The following MDGA2 variants were observed in gnomAD, a reference collection of about 807,000 sequenced individuals.
The protein encoded by MDGA2 is MAM domain containing glycosylphosphatidylinositol anchor 2, also known as MAM domain-containing glycosylphosphatidylinositol anchor protein 2.
MDGA2 carries 40 observed loss-of-function variants against 117.8 expected under a neutral mutation model. That is an observed-to-expected ratio of 0.34 (90% CI 0.26 to 0.44). The LOEUF (loss-of-function observed/expected upper bound fraction) is 0.44. MDGA2 is among the 20% of genes least tolerant of loss of function. The probability of loss-of-function intolerance (pLI) is 1.00; values close to 1 mark genes in which losing one functional copy is unlikely to be tolerated. For synonymous variants in MDGA2, 452 were observed against 439.0 expected, an observed-to-expected ratio of 1.03 and a Z score of -0.37; for missense variants, 1,123 against 1,250.6, an observed-to-expected ratio of 0.90 and a Z score of 1.54.
chr14:47,006,585 G>A (rs1433452656), intron 8 of MDGA2, among the ~76,000 whole-genome samples: 1 of 151,060 alleles, frequency 6.6e-6, no homozygotes, highest in Non-Finnish European at 1.5e-5. Context: ...TATAAATCAA[G>A]TGTACAATAA....
At chr14:47,527,716 T>C (rs1895002144) in intron 1 of MDGA2, among the ~76,000 whole-genome samples, 1 of 152,232 alleles carries the variant, frequency 6.6e-6, no homozygotes, top group Non-Finnish European at 1.5e-5. Flanking sequence ...CCTCTGCATT[T>C]GACCCTCATA....
chr14:47,657,419 T>C (rs575745561), intron 1 of MDGA2, among the ~76,000 whole-genome samples: 6 of 152,292 alleles, frequency 3.9e-5, no homozygotes, highest in Non-Finnish European at 7.4e-5. Flanking sequence ...ATTATCCATA[T>C]ACTGAATAGC....
intron 9 of MDGA2, among the ~76,000 whole-genome samples, chr14:46,940,331 A>G (rs1303839450): frequency 6.6e-6 from 1 of 152,172 alleles, no homozygotes; most frequent in Non-Finnish European, 1.5e-5. Context: ...ATCTTTCCTT[A>G]AAACCTAATA....
chr14:47,261,752 C>T (rs1887803615), intron 2 of MDGA2, among the ~76,000 whole-genome samples: 1 of 152,172 alleles, frequency 6.6e-6, no homozygotes, highest in East Asian at 1.9e-4. Context: ...ATGAAAGAAG[C>T]TAACCTCTTT....
intron 10 of MDGA2, among the ~76,000 whole-genome samples, chr14:46,915,354 G>A (rs984933790): frequency 7.9e-5 from 12 of 152,026 alleles, no homozygotes; most frequent in Admixed American, 4.6e-4. Context: ...ACAAATACTC[G>A]AGGTGATGGA....
chr14:46,926,422 G>GA lies in MDGA2; in HGVS notation c.2090-6263dup, dbSNP rs5808368. Among the ~76,000 whole-genome samples the GA allele has an allele frequency of 4.1e-3, 598 of 146,772 alleles. 7 individuals are homozygous for GA. Among genetic ancestry groups the GA allele is most frequent in the African/African-American group, 0.012 (491 of 39,812 alleles). On this transcript the variant is annotated intron_variant, in intron 9 of 16. Transcript: ENST00000399232. ...TTAAACGCCAATGATGCACTGATTTGAAAAAAAAAAAAGCCTTCTAAAAAT... is the reference window on the plus strand; with the variant it reads ...TTAAACGCCAATGATGCACTGATTTGAAAAAAAAAAAAAGCCTTCTAAAAAT...
At chr14:47,630,381 T>C (rs1269764010) in intron 1 of MDGA2, among the ~76,000 whole-genome samples, 1 of 152,198 alleles carries the variant, frequency 6.6e-6, no homozygotes, top group Non-Finnish European at 1.5e-5. Flanking sequence ...TCTATGTATG[T>C]GTATAAGTGT....
chr14:47,527,113 G>A (rs1294451177), intron 1 of MDGA2, among the ~76,000 whole-genome samples: 1 of 152,164 alleles, frequency 6.6e-6, no homozygotes, highest in East Asian at 1.9e-4. Flanking sequence ...TTCACACAGA[G>A]GGTAAGGTCA....
At chr14:47,235,534 T>C (rs573155796) in intron 2 of MDGA2, among the ~76,000 whole-genome samples, 2 of 152,166 alleles carry the variant, frequency 1.3e-5, no homozygotes, top group South Asian at 4.1e-4. Context: ...CTGAATCCTT[T>C]AAAAAGACCA....
At chr14:47,152,145 CTGTCTCCCAAT>C (rs1237453989) in intron 3 of MDGA2, among the ~76,000 whole-genome samples, 2 of 152,180 alleles carry the variant, frequency 1.3e-5, no homozygotes, top group Non-Finnish European at 2.9e-5. Flanking sequence ...CTAGAAATAA[CTGTCTCCCAAT>C]TGTCTCCCAA....
At chr14:46,842,511 G>A (rs193238183) in intron 16 of MDGA2, among the ~76,000 whole-genome samples, 1 of 152,006 alleles carries the variant, frequency 6.6e-6, no homozygotes, top group Admixed American at 6.6e-5. Flanking sequence ...TGTTTAGATC[G>A]GTCCATTATC....
intron 1 of MDGA2, among the ~76,000 whole-genome samples, chr14:47,625,370 T>A (rs929010301): frequency 9.9e-5 from 15 of 152,224 alleles, no homozygotes; most frequent in African/African-American, 3.4e-4. Context: ...AATATTTATA[T>A]AACAATGTTT....
At chr14:47,413,479 G>T (rs536760333) in intron 1 of MDGA2, among the ~76,000 whole-genome samples, 2 of 152,216 alleles carry the variant, frequency 1.3e-5, no homozygotes, top group East Asian at 3.9e-4. Flanking sequence ...CATTGCCTGG[G>T]TCTTCAAGAA....
At chr14:46,839,714 A>G (rs1268312686), downstream of MDGA2, among the ~76,000 whole-genome samples, 1 of 151,928 alleles carries the variant, frequency 6.6e-6, no homozygotes, top group Non-Finnish European at 1.5e-5. Flanking sequence ...AACTCTGAAA[A>G]AATTTTAAGA....
At position 47,527,374 on chromosome 14, in the gene MDGA2, T is replaced by G. The variant is rs139658786; in HGVS notation, c.280+147143A>C. On this transcript the variant is annotated intron_variant, in intron 1 of 16. Coordinates refer to ENST00000399232, the MANE Select transcript of MDGA2 (RefSeq NM_001113498.3). Reference sequence around the variant, plus strand: ...TGTCAAGAATTTTATAGATGGATTCTTGGAAGGAACAAAAGAAAGGAGGAT... The same window carrying G: ...TGTCAAGAATTTTATAGATGGATTCGTGGAAGGAACAAAAGAAAGGAGGAT... Among the ~76,000 whole-genome samples the G allele has an allele frequency of 5.7e-4, 86 of 152,212 alleles. No individual in the cohort carries two copies. The East Asian group carries it at 0.015, about 26-fold the overall frequency.
intron 5 of MDGA2, among the ~76,000 whole-genome samples, chr14:47,116,679 A>G (rs890732545): frequency 1.3e-5 from 2 of 152,054 alleles, no homozygotes; most frequent in African/African-American, 2.4e-5. Flanking sequence ...AAGACAAGAG[A>G]TGTTGGAAAT....
Position 47,131,825 on chromosome 14 carries a change from G to T in MDGA2, c.814C>A (p.Leu272Ile), listed in dbSNP as rs770589665. ...TAGTCCTGAGGTCGAAGATTCTTTAGTTTTAAGATCTTTGTTTCACCCTGA... is the reference window on the plus strand; with the variant it reads ...TAGTCCTGAGGTCGAAGATTCTTTATTTTTAAGATCTTTGTTTCACCCTGA... ...FTQGETKILK[L>I]KNLRPQDYAN... The change falls in exon 5 of 17, where the codon CTA becomes ATA. Residue 272 changes from leucine (L) to isoleucine (I), a missense_variant. Transcript: ENST00000399232. The T allele has an allele frequency of 6.3e-7, 1 of 1,583,174 alleles. No homozygotes were observed. Among genetic ancestry groups the T allele is most frequent in the Non-Finnish European group, 8.6e-7 (1 of 1,157,438 alleles).
chr14:47,627,539 G>C (rs1009673893), intron 1 of MDGA2, among the ~76,000 whole-genome samples: 4 of 152,084 alleles, frequency 2.6e-5, no homozygotes, highest in African/African-American at 9.7e-5. Flanking sequence ...TCTAGTGGGG[G>C]CCTGGAGAAC....
chr14:47,660,108 T>C (rs1897817690), intron 1 of MDGA2, among the ~76,000 whole-genome samples: 1 of 152,124 alleles, frequency 6.6e-6, no homozygotes. Context: ...ACAGAATTAA[T>C]GAATTGCCAA....
Sources: allele counts gnomAD v4.1 joint callset (sites outside exome capture counted in the v4.1 genomes callset), GRCh38; gene constraint gnomAD v4.1.1; transcripts MANE v1.5; gene names NCBI Gene and HGNC (gene_info 2026-07-23, HGNC 2026-07-21).